POU2F1: variants seen among roughly 807,000 people sequenced by gnomAD.
POU2F1 encodes the protein POU class 2 homeobox 1.
POU2F1 carries 16 observed loss-of-function variants against 84.9 expected under a neutral mutation model. That is an observed-to-expected ratio of 0.19 (90% CI 0.13 to 0.29). The LOEUF is 0.29. POU2F1 is among the 10% of genes least tolerant of loss of function. The pLI is 1.00. For missense variants in POU2F1, 738 were observed against 942.6 expected, an observed-to-expected ratio of 0.78 and a Z score of 2.84; for synonymous variants, 368 against 368.3, an observed-to-expected ratio of 1.00 and a Z score of 0.01.
rs186482381 is a variant in POU2F1, at chr1:167,365,471, A to G, written c.132A>G (p.Thr44=). Reference sequence around the variant, plus strand: ...ATTATTTTGCTTGCTTTCTAGGCACACAAACCAATGGTCTGGACTTTCAGA... The same window carrying G: ...ATTATTTTGCTTGCTTTCTAGGCACGCAAACCAATGGTCTGGACTTTCAGA... ...SMESGDGNTG[T]QTNGLDFQKQ... is the part of the protein sequence containing the mutation. The change falls in exon 3 of 16, where the codon ACA becomes ACG. Residue 44 remains threonine (T), a synonymous_variant. Transcript: ENST00000367866. 1 of 1,578,558 alleles carries G rather than the reference A, an allele frequency of 6.3e-7. No homozygotes were observed. The highest frequency in any genetic ancestry group is 8.6e-7 in the Non-Finnish European group (1 of 1,164,130).
chr1:167,222,612 A>G (rs1446015017), intron 1 of POU2F1, among the ~76,000 whole-genome samples: 1 of 151,826 alleles, frequency 6.6e-6, no homozygotes, highest in East Asian at 1.9e-4. Context: ...TGCTTGATTT[A>G]TTTACTAATA....
chr1:167,280,133 G>T (rs958779200), intron 1 of POU2F1, among the ~76,000 whole-genome samples: 1 of 150,898 alleles, frequency 6.6e-6, no homozygotes, highest in Non-Finnish European at 1.5e-5. Context: ...GGTGGAGGTT[G>T]CAGTGAGCTG....
chr1:167,322,000 A>G (rs762941001), intron 1 of POU2F1, among the ~76,000 whole-genome samples: 5 of 152,188 alleles, frequency 3.3e-5, no homozygotes, highest in Non-Finnish European at 7.3e-5. Flanking sequence ...AACTACTTTG[A>G]TATACTTCAG....
chr1:167,414,787 G>A (rs1226465478), intron 15 of POU2F1: 3 of 900,386 alleles, frequency 3.3e-6, no homozygotes, highest in Non-Finnish European at 4.0e-6. Flanking sequence ...CAGGAAGTGA[G>A]AAATTAATTA....
intron 15 of POU2F1, 48 bp downstream of exon 15, chr1:167,413,162 A>AGTGTGTGT (rs59744507): frequency 1.3e-5 from 13 of 1,031,240 alleles, no homozygotes; most frequent in South Asian, 4.2e-5. Context: ...CGTGTGTGTG[A>AGTGTGTGT]GTGTGTGTGT....
At chr1:167,256,606 C>T (rs1008086752) in intron 1 of POU2F1, among the ~76,000 whole-genome samples, 1 of 152,180 alleles carries the variant, frequency 6.6e-6, no homozygotes, top group African/African-American at 2.4e-5. Context: ...GAGTAGAATT[C>T]AGATCTCAGA....
chr1:167,407,010 A>T (rs1023875626), intron 13 of POU2F1, among the ~76,000 whole-genome samples: 9 of 147,702 alleles, frequency 6.1e-5, no homozygotes, highest in African/African-American at 2.0e-4. Flanking sequence ...ATAAATATAT[A>T]TTTTTTTATT....
At chr1:167,235,456 A>G (rs1282035270) in intron 1 of POU2F1, among the ~76,000 whole-genome samples, 1 of 152,234 alleles carries the variant, frequency 6.6e-6, no homozygotes, top group East Asian at 1.9e-4. Context: ...GTATGATTTC[A>G]GGCGATTAGA....
At chr1:167,315,564 C>T (rs1655824689) in intron 1 of POU2F1, among the ~76,000 whole-genome samples, 1 of 152,014 alleles carries the variant, frequency 6.6e-6, no homozygotes, top group East Asian at 1.9e-4. Context: ...TGGCGCTTGA[C>T]CAGGAGTTCA....
intron 9 of POU2F1, among the ~76,000 whole-genome samples, chr1:167,395,673 C>T (rs909026763): frequency 6.6e-5 from 10 of 152,034 alleles, no homozygotes; most frequent in Admixed American, 5.9e-4. Flanking sequence ...GCCATGATCA[C>T]GGCTTGCTAC....
chr1:167,229,284 C>T (rs1006020786), intron 1 of POU2F1, among the ~76,000 whole-genome samples: 2 of 151,864 alleles, frequency 1.3e-5, no homozygotes, highest in Non-Finnish European at 2.9e-5. Context: ...CAGAAAAGAG[C>T]ATTACCATAA....
intron 1 of POU2F1, among the ~76,000 whole-genome samples, chr1:167,245,637 T>A (rs1346066333): frequency 1.3e-5 from 2 of 152,024 alleles, no homozygotes; most frequent in Admixed American, 6.6e-5. Context: ...GGTCTCGAAC[T>A]CCTGACCTCA....
At chr1:167,291,044 GAAAAAAAA>G (rs56798282) in intron 1 of POU2F1, among the ~76,000 whole-genome samples, 9 of 117,404 alleles carry the variant, frequency 7.7e-5, no homozygotes, top group Admixed American at 3.5e-4. Flanking sequence ...GACCCTGTCA[GAAAAAAAA>G]AAAAAAAAAA....
Position 167,415,796 on chromosome 1 carries a change from T to C in POU2F1, c.2287T>C (p.Ser763Pro), listed in dbSNP as rs1650268461. Residue 763 changes from serine to proline, a missense_variant, in exon 16 of 16, where the codon TCC becomes CCC. Transcript: ENST00000367866. ...GGCTGCGTCCACCACCACCACCGCCTCCAAGGCACAGTGAGCTGGGCAGAG... is the reference window on the plus strand; with the variant it reads ...GGCTGCGTCCACCACCACCACCGCCCCCAAGGCACAGTGAGCTGGGCAGAG... Reference protein sequence around the residue: ...SGAASTTTTASKAQ With the variant: ...SGAASTTTTAPKAQ The C allele has an allele frequency of 1.9e-6, 3 of 1,613,596 alleles. No homozygotes were observed. Among genetic ancestry groups the C allele is most frequent in the African/African-American group, 1.3e-5 (1 of 74,878 alleles).
chr1:167,375,423 C>T (rs1344091632), intron 6 of POU2F1, among the ~76,000 whole-genome samples: 1 of 152,088 alleles, frequency 6.6e-6, no homozygotes, highest in Non-Finnish European at 1.5e-5. Context: ...TTCATGAAAA[C>T]ACTTTGAAAA....
rs1654639115 is a variant in POU2F1, at chr1:167,300,810, G to A, written c.62-31660G>A. On this transcript the variant is annotated intron_variant, in intron 1 of 15. Coordinates refer to ENST00000367866, the MANE Select transcript of POU2F1 (RefSeq NM_002697.4). Reference sequence around the variant, plus strand: ...TTTGGAGACGGAGTCTACCTCTGTTGCCCAGGCTGGAGTGCAGTGGAGTGA... The same window carrying A: ...TTTGGAGACGGAGTCTACCTCTGTTACCCAGGCTGGAGTGCAGTGGAGTGA... 4.6e-5 allele frequency among the ~76,000 whole-genome samples: 7 copies of A among 151,754 alleles called. No individual in the cohort carries two copies. The South Asian group carries it at 1.3e-3, about 27-fold the overall frequency.
At chr1:167,243,349 A>G (rs1244049519) in intron 1 of POU2F1, among the ~76,000 whole-genome samples, 1 of 152,288 alleles carries the variant, frequency 6.6e-6, no homozygotes, top group African/African-American at 2.4e-5. Flanking sequence ...GATAATGTAT[A>G]TAATTGCTGA....
chr1:167,261,304 T>G (rs1197276691), intron 1 of POU2F1, among the ~76,000 whole-genome samples: 1 of 152,200 alleles, frequency 6.6e-6, no homozygotes, highest in Non-Finnish European at 1.5e-5. Context: ...AAAGGAAAGA[T>G]GCAGAAAATG....
At chr1:167,388,738 G>A (rs1477566385) in intron 8 of POU2F1, among the ~76,000 whole-genome samples, 2 of 151,980 alleles carry the variant, frequency 1.3e-5, no homozygotes, top group Admixed American at 6.6e-5. Context: ...AAAAGTCCTC[G>A]GTTAGCTGAC....
Sources: allele counts gnomAD v4.1 joint callset (sites outside exome capture counted in the v4.1 genomes callset), GRCh38; gene constraint gnomAD v4.1.1; transcripts MANE v1.5; gene names NCBI Gene and HGNC (gene_info 2026-07-23, HGNC 2026-07-21).